The following RGS6 variants were observed in gnomAD, a reference collection of about 807,000 sequenced individuals.
RGS6 encodes the protein regulator of G-protein signaling 6.
RGS6 carries 30 observed loss-of-function variants against 78.5 expected under a neutral mutation model. That is an observed-to-expected ratio of 0.38 (90% CI 0.29 to 0.52). The LOEUF is 0.52. Among genes scored for constraint, RGS6 ranks in the 20% least tolerant of loss-of-function variants. The pLI is 0.85. For synonymous variants in RGS6, 206 were observed against 206.0 expected (o/e 1.00, Z 0.00); for missense variants, 495 against 609.7 (o/e 0.81, Z 1.98).
At chr14:72,263,320 G>C (rs2238216) in intron 2 of RGS6, among the ~76,000 whole-genome samples, 69,410 of 151,600 alleles carry the variant, frequency 0.46, 16,003 homozygotes, top group Middle Eastern at 0.52. Flanking sequence ...AAAGTCAACT[G>C]ATGTCATGTT....
chr14:72,495,176 T>C lies in RGS6; in HGVS notation c.879T>C (p.Tyr293=), dbSNP rs2096628371. The change falls in exon 13 of 18, where the codon TAT becomes TAC. Residue 293 remains tyrosine (Y), a synonymous_variant. Transcript: ENST00000553525. ...GTTTAATTGCCTACACGGAACAATA[T>C]GTGGAATATGACCCTTTGATAACAC... ...AESLIAYTEQ[Y]VEYDPLITPA... is the part of the protein sequence containing the mutation. 1 of 1,613,084 alleles carries C rather than the reference T, an allele frequency of 6.2e-7. No homozygotes were observed. Among genetic ancestry groups the C allele is most frequent in the East Asian group, 2.2e-5 (1 of 44,878 alleles).
intron 2 of RGS6, among the ~76,000 whole-genome samples, chr14:72,252,019 A>T (rs2055916584): frequency 6.6e-6 from 1 of 152,218 alleles, no homozygotes; most frequent in African/African-American, 2.4e-5. Context: ...GAGCTATGCC[A>T]TTGGAGTGAA....
chr14:72,433,525 A>C (rs543743480), intron 3 of RGS6, among the ~76,000 whole-genome samples: 2 of 152,148 alleles, frequency 1.3e-5, no homozygotes, highest in Non-Finnish European at 1.5e-5. Flanking sequence ...AAAAAGAATA[A>C]TCCAGAAAGT....
intron 2 of RGS6, among the ~76,000 whole-genome samples, chr14:72,079,460 A>G (rs2094725441): frequency 1.3e-5 from 2 of 152,168 alleles, no homozygotes; most frequent in African/African-American, 4.8e-5. Flanking sequence ...TGATGCTTTG[A>G]TATATGTAGG....
At chr14:72,117,208 T>C (rs2095915677) in intron 2 of RGS6, among the ~76,000 whole-genome samples, 1 of 152,046 alleles carries the variant, frequency 6.6e-6, no homozygotes, top group Non-Finnish European at 1.5e-5. Context: ...ATGGGTGATA[T>C]GGTTTGGGTG....
At chr14:72,095,217 T>G (rs1411382874) in intron 2 of RGS6, among the ~76,000 whole-genome samples, 1 of 152,028 alleles carries the variant, frequency 6.6e-6, no homozygotes, top group Non-Finnish European at 1.5e-5. Flanking sequence ...ACAAATAATT[T>G]AGCCCTATCA....
intron 2 of RGS6, among the ~76,000 whole-genome samples, chr14:72,194,996 T>C (rs1212120717): frequency 3.9e-5 from 6 of 151,908 alleles, no homozygotes; most frequent in Non-Finnish European, 7.4e-5. Context: ...TCGCTTGAGG[T>C]CAGGAGTTCA....
At chr14:71,988,190 G>A (rs2094804043) in intron 2 of RGS6, among the ~76,000 whole-genome samples, 1 of 152,192 alleles carries the variant, frequency 6.6e-6, no homozygotes, top group Admixed American at 6.5e-5. Flanking sequence ...AGATGATAAA[G>A]TCTAACTATC....
At chr14:72,207,993 G>A (rs150538845) in intron 2 of RGS6, among the ~76,000 whole-genome samples, 1 of 152,330 alleles carries the variant, frequency 6.6e-6, no homozygotes, top group African/African-American at 2.4e-5. Flanking sequence ...TGAGGCTGCA[G>A]TTGCTGTAAT....
At chr14:72,520,632 C>T (rs2097024517) in intron 15 of RGS6, among the ~76,000 whole-genome samples, 1 of 152,238 alleles carries the variant, frequency 6.6e-6, no homozygotes, top group South Asian at 2.1e-4. Context: ...GTACAATTCA[C>T]ATAAGAAAAG....
At chr14:72,517,999 G>A (rs972586590) in intron 14 of RGS6, among the ~76,000 whole-genome samples, 1 of 152,198 alleles carries the variant, frequency 6.6e-6, no homozygotes, top group South Asian at 2.1e-4. Context: ...GGCCAAGGTT[G>A]CTGCTAAACA....
intron 2 of RGS6, among the ~76,000 whole-genome samples, chr14:72,275,462 C>T (rs1388760362): frequency 2.0e-5 from 3 of 152,166 alleles, no homozygotes; most frequent in Admixed American, 1.3e-4. Flanking sequence ...CTTCATGGGC[C>T]ATTGGTTTCA....
chr14:71,984,084 A>G (rs2094577849), intron 2 of RGS6, among the ~76,000 whole-genome samples: 3 of 152,124 alleles, frequency 2.0e-5, no homozygotes, highest in Admixed American at 2.0e-4. Flanking sequence ...GCCACCTACC[A>G]TTTACCAGAT....
chr14:72,402,101 C>A (rs987975008), intron 3 of RGS6, among the ~76,000 whole-genome samples: 3 of 152,150 alleles, frequency 2.0e-5, no homozygotes, highest in Non-Finnish European at 2.9e-5. Flanking sequence ...AGGGAGCTGA[C>A]CCACTGTCTG....
At chr14:72,602,182 G>C in the RGS6 span, among the ~76,000 whole-genome samples, 1 of 152,176 alleles carries the variant, frequency 6.6e-6, no homozygotes, top group African/African-American at 2.4e-5. Context: ...TCCCAAGCCA[G>C]GGTACTTTCC....
chr14:71,916,680 C>A, the RGS6 span, among the ~76,000 whole-genome samples: 17 of 152,164 alleles, frequency 1.1e-4, no homozygotes, highest in South Asian at 3.1e-3. Context: ...GAGGATCAGG[C>A]AATTAGGGCA....
chr14:72,000,109 C>T lies in RGS6; in HGVS notation c.84+35234C>T, dbSNP rs80224536. Among the ~76,000 whole-genome samples, 1,370 of 152,224 alleles carry T rather than the reference C, an allele frequency of 9.0e-3. 10 individuals carry two copies. Among genetic ancestry groups the T allele is most frequent in the South Asian group, 0.027 (129 of 4,814 alleles). ...GAAAAGGGGAAGCACTGATAGTCTT[C>T]GAGCAGGGTTGTGATACACACATTA... On this transcript the variant is annotated intron_variant, in intron 2 of 17. Coordinates refer to ENST00000553525, the MANE Select transcript of RGS6 (RefSeq NM_001204424.2).
chr14:71,985,579 A>G (rs781175178), intron 2 of RGS6, among the ~76,000 whole-genome samples: 16 of 152,356 alleles, frequency 1.1e-4, no homozygotes, highest in South Asian at 4.1e-4. Flanking sequence ...TGGAAGGTCA[A>G]TATTGATTTT....
chr14:72,432,480 A>T (rs2094691826), intron 3 of RGS6, among the ~76,000 whole-genome samples: 1 of 152,254 alleles, frequency 6.6e-6, no homozygotes, highest in East Asian at 1.9e-4. Context: ...AGTGGAGAAG[A>T]TAAGACATGC....
Sources: allele counts gnomAD v4.1 joint callset (sites outside exome capture counted in the v4.1 genomes callset), GRCh38; gene constraint gnomAD v4.1.1; transcripts MANE v1.5; gene names NCBI Gene and HGNC (gene_info 2026-07-23, HGNC 2026-07-21).